Variants in SMAD2 observed in about 807,000 individuals in gnomAD.
SMAD2 encodes MAD homolog 2.
In SMAD2, 8 loss-of-function variants were observed where a neutral mutation model predicts 64.4. That is an observed-to-expected ratio of 0.12 (90% confidence interval 0.07 to 0.22). The LOEUF (loss-of-function observed/expected upper bound fraction) is 0.22. Among genes scored for constraint, SMAD2 ranks in the 10% least tolerant of loss-of-function variants. The pLI, the probability that SMAD2 is intolerant of heterozygous loss-of-function variation, is 1.00. For synonymous variants in SMAD2, 203 were observed against 195.8 expected (o/e 1.04, Z -0.31); for missense variants, 289 against 561.2 (o/e 0.51, Z 4.90).
rs1913900972 is a variant in SMAD2, at chr18:47,841,082, G to C, written c.*745C>G. ...GTTTTGATTATGAGGACAAAAATGG[G>C]AATGGAAAAAAGAGGCTTGGAAAGG... On this transcript the variant is annotated 3_prime_UTR_variant, in exon 11 of 11. Coordinates refer to ENST00000262160, the MANE Select transcript of SMAD2 (RefSeq NM_005901.6). 1 of 230,734 alleles carries C rather than the reference G, an allele frequency of 4.3e-6. No homozygotes were observed. The highest frequency in any genetic ancestry group is 6.1e-5 in the East Asian group (1 of 16,434). The allele number at this position is 230,734 out of a possible 1,614,324, so 14.3% of individuals were successfully genotyped here. A position where few individuals can be genotyped will look rare whatever the true frequency, so the allele number is the denominator to read the frequency against.
rs1186078822 is a variant in SMAD2 at position 47,840,391 on chromosome 18, T to A, written c.*1436A>T. The A allele has an allele frequency of 8.6e-6, 2 of 232,756 alleles. No individual in the cohort carries two copies. Among genetic ancestry groups the A allele is most frequent in the African/African-American group, 4.4e-5 (2 of 45,338 alleles). The allele number at this position is 232,756 out of a possible 1,614,324, so 14.4% of individuals were successfully genotyped here. ...AATAATTATTTGCTGCAGAATGAAC[T>A]AGCAACAGAGTTTCGGAAATCTCCT... On this transcript the variant is annotated 3_prime_UTR_variant, in exon 11 of 11. Transcript: ENST00000262160.
At position 47,827,617 on chromosome 18, in the gene SMAD2, A is replaced by C. The variant is rs1912802430; in HGVS notation, c.*14210T>G. ...TGCCTCAGCCTGCCGAGTGCCTGGG[A>C]TTGCAGACGCGCGCCGCCACGCCTG... On this transcript the variant is annotated 3_prime_UTR_variant, in exon 11 of 11. Transcript: ENST00000262160. 6.4e-6 allele frequency: 1 copy of C among 156,882 alleles called. No individual in the cohort carries two copies. Among genetic ancestry groups the C allele is most frequent in the Non-Finnish European group, 1.4e-5 (1 of 71,824 alleles). 9.7% of individuals were successfully genotyped at this position (156,882 alleles called of 1,614,324 possible). A position where few individuals can be genotyped will look rare whatever the true frequency, so the allele number is the denominator to read the frequency against.
rs973209240 is a variant in SMAD2 at position 47,838,539 on chromosome 18, T to A, written c.*3288A>T. On this transcript the variant is annotated 3_prime_UTR_variant, in exon 11 of 11. Transcript: ENST00000262160. ...TATTATAAGGTATAATCGGTATAAC[T>A]GATATAGCTCAAATCTAATCATGAA... is the stretch of plus-strand genomic sequence containing the variant. The A allele has an allele frequency of 8.6e-6, 2 of 233,000 alleles. No homozygotes were observed. The highest frequency in any genetic ancestry group is 1.7e-5 in the Non-Finnish European group (2 of 117,872). 14.4% of individuals were successfully genotyped at this position (233,000 alleles called of 1,614,324 possible). A position where few individuals can be genotyped will look rare whatever the true frequency, so the allele number is the denominator to read the frequency against.
Position 47,823,347 on chromosome 18 carries a change from T to C in SMAD2, c.*18480A>G, listed in dbSNP as rs1357838675. The C allele has an allele frequency of 1.3e-5, 2 of 152,190 alleles. No individual in the cohort carries two copies. Among genetic ancestry groups the C allele is most frequent in the South Asian group, 2.1e-4 (1 of 4,830 alleles). The allele number at this position is 152,190 out of a possible 1,614,324, so 9.4% of individuals were successfully genotyped here. A position where few individuals can be genotyped will look rare whatever the true frequency, so the allele number is the denominator to read the frequency against. On this transcript the variant is annotated 3_prime_UTR_variant, in exon 11 of 11. Transcript: ENST00000262160. ...CAAATCTGTTTTATTCTGAACATCT[T>C]TGGTAAAAATCAGGGTAACTTTAAG...
chr18:47,850,507 T>TAG (rs1915248642), intron 7 of SMAD2, among the ~76,000 whole-genome samples: 1 of 12,804 alleles, frequency 7.8e-5, no homozygotes, highest in African/African-American at 3.1e-4. Context: ...ATATATGTTA[T>TAG]ATATATAATA....
intron 1 of SMAD2, among the ~76,000 whole-genome samples, chr18:47,926,996 G>A (rs1332352744): frequency 6.6e-6 from 1 of 152,108 alleles, no homozygotes; most frequent in African/African-American, 2.4e-5. Context: ...TTAGGCTAGG[G>A]CTCTCTGATT....
At chr18:47,924,853 A>T (rs553884025) in intron 1 of SMAD2, among the ~76,000 whole-genome samples, 1 of 152,350 alleles carries the variant, frequency 6.6e-6, no homozygotes, top group Non-Finnish European at 1.5e-5. Context: ...TCTCTACAGA[A>T]TTTCTGGAAG....
Position 47,838,305 on chromosome 18 carries a change from C to A in SMAD2, c.*3522G>T. 1 of 233,018 alleles carries A rather than the reference C, an allele frequency of 4.3e-6. No individual in the cohort carries two copies. Among genetic ancestry groups the A allele is most frequent in the Non-Finnish European group, 8.5e-6 (1 of 117,986 alleles). 14.4% of individuals were successfully genotyped at this position (233,018 alleles called of 1,614,324 possible). ...CTAGGTATTAAACAATTTGTAAAAA[C>A]TTACAAAGAAAATTTAGCTTTCAAG... On this transcript the variant is annotated 3_prime_UTR_variant, in exon 11 of 11. Transcript: ENST00000262160.
At position 47,840,648 on chromosome 18, in the gene SMAD2, T is replaced by TTA. The variant is rs746406243; in HGVS notation, c.*1178_*1179insTA. 1.0e-4 allele frequency: 24 copies of TTA among 231,640 alleles called. No homozygotes were observed. Among genetic ancestry groups the TTA allele is most frequent in the Non-Finnish European group, 1.9e-4 (22 of 117,132 alleles). The allele number at this position is 231,640 out of a possible 1,614,324, so 14.3% of individuals were successfully genotyped here. A position where few individuals can be genotyped will look rare whatever the true frequency, so the allele number is the denominator to read the frequency against. The stretch of plus-strand genomic sequence containing the variant: ...CTGCTGATCCTACCTCAGCATCACT[T>TTA]TTCTAGGTATTTTGCAGAAACAATT... On this transcript the variant is annotated 3_prime_UTR_variant, in exon 11 of 11. Coordinates refer to ENST00000262160, the MANE Select transcript of SMAD2 (RefSeq NM_005901.6).
In SMAD2 at chr18:47,851,195, A is replaced by G. The variant is rs541958265; in HGVS notation, c.784+79T>C. 9.8e-5 allele frequency: 100 copies of G among 1,018,854 alleles called. 1 individual carries two copies. In the Admixed American group the frequency reaches 1.6e-3, roughly 16 times the overall value. The allele number at this position is 1,018,854 out of a possible 1,614,324, so 63.1% of individuals were successfully genotyped here. ...GATCCCTTTCTCGGATATATAAAAA[A>G]TAACTCCTAGAGATGATTTTTATTA... On this transcript the variant is annotated intron_variant, in intron 7 of 10. Coordinates refer to ENST00000262160, the MANE Select transcript of SMAD2 (RefSeq NM_005901.6).
At chr18:47,846,819 G>A (rs1227447499) in intron 8 of SMAD2, among the ~76,000 whole-genome samples, 5 of 152,086 alleles carry the variant, frequency 3.3e-5, no homozygotes, top group African/African-American at 9.7e-5. Flanking sequence ...CACAGAAACC[G>A]TGAGGTAAAA....
At chr18:47,904,100 A>G (rs1042361463) in intron 1 of SMAD2, among the ~76,000 whole-genome samples, 1 of 151,990 alleles carries the variant, frequency 6.6e-6, no homozygotes, top group Non-Finnish European at 1.5e-5. Context: ...AGGCCGAGCT[A>G]GGATAACAGT....
intron 1 of SMAD2, among the ~76,000 whole-genome samples, chr18:47,913,915 A>C (rs993491788): frequency 3.3e-5 from 5 of 152,252 alleles, no homozygotes; most frequent in Non-Finnish European, 7.3e-5. Flanking sequence ...AGATTTCAAA[A>C]GAACACAAAG....
intron 2 of SMAD2, 40 bp downstream of exon 2, chr18:47,896,481 T>G: frequency 6.2e-7 from 1 of 1,604,496 alleles, no homozygotes; most frequent in Non-Finnish European, 8.5e-7. Context: ...TCAGATTCCT[T>G]GACATAATTT....
In SMAD2 at chr18:47,835,891, G is replaced by T. The variant is rs745689057; in HGVS notation, c.*5936C>A. The T allele has an allele frequency of 2.4e-5, 5 of 205,204 alleles. No homozygotes were observed. Among genetic ancestry groups the T allele is most frequent in the African/African-American group, 9.1e-5 (4 of 43,750 alleles). The allele number at this position is 205,204 out of a possible 1,614,324, so 12.7% of individuals were successfully genotyped here. On this transcript the variant is annotated 3_prime_UTR_variant, in exon 11 of 11. Coordinates refer to ENST00000262160, the MANE Select transcript of SMAD2 (RefSeq NM_005901.6). ...GCTGTTAACTGTTTGGAGGGTAAAAGAATACTTTTCTCGAAATTTTTTTGA... is the reference window on the plus strand; with the variant it reads ...GCTGTTAACTGTTTGGAGGGTAAAATAATACTTTTCTCGAAATTTTTTTGA...
intron 1 of SMAD2, among the ~76,000 whole-genome samples, chr18:47,899,466 G>T (rs527670024): frequency 2.7e-4 from 41 of 152,258 alleles, no homozygotes; most frequent in African/African-American, 9.6e-4. Flanking sequence ...GATGATTAGG[G>T]AGAAAGGTGT....
At chr18:47,897,618 A>G (rs1231336114) in intron 1 of SMAD2, among the ~76,000 whole-genome samples, 2 of 152,182 alleles carry the variant, frequency 1.3e-5, no homozygotes, top group East Asian at 1.9e-4. Context: ...CTTATTTTGT[A>G]TATCTTGAAA....
At chr18:47,903,110 TG>T (rs2033752902) in intron 1 of SMAD2, among the ~76,000 whole-genome samples, 2 of 151,460 alleles carry the variant, frequency 1.3e-5, no homozygotes, top group Middle Eastern at 3.4e-3. Context: ...CAATGGGGGA[TG>T]GGGGGAGGGA....
intron 1 of SMAD2, among the ~76,000 whole-genome samples, chr18:47,904,122 G>C (rs965377390): frequency 2.0e-5 from 3 of 151,444 alleles, no homozygotes; most frequent in African/African-American, 2.4e-5. Context: ...AAAATCCCTG[G>C]GAGTCCTCGA....
Sources: allele counts gnomAD v4.1 joint callset (sites outside exome capture counted in the v4.1 genomes callset), GRCh38; gene constraint gnomAD v4.1.1; transcripts MANE v1.5; gene names NCBI Gene and HGNC (gene_info 2026-07-23, HGNC 2026-07-21).